Variants in B3GALT1 observed in about 807,000 individuals in gnomAD.
B3GALT1 encodes UDP-Gal:betaGlcNAc beta 1,3-galactosyltransferase, polypeptide 1.
A neutral mutation model predicts 23.2 loss-of-function variants in B3GALT1; 10 were observed. The ratio of observed to expected loss-of-function variants is 0.43; its 90% CI spans 0.27 to 0.73. The LOEUF (loss-of-function observed/expected upper bound fraction) is 0.73. Ranked by LOEUF, B3GALT1 falls within the 30% of genes least tolerant of loss-of-function variation. B3GALT1 has a pLI of 0.21. For synonymous variants in B3GALT1, 156 were observed against 141.5 expected, an observed-to-expected ratio of 1.10 and a Z score of -0.73; for missense variants, 299 against 405.4, an observed-to-expected ratio of 0.74 and a Z score of 2.25.
At chr2:167,422,227 G>A (rs1330590722) in intron 1 of B3GALT1, among the ~76,000 whole-genome samples, 5 of 126,276 alleles carry the variant, frequency 4.0e-5, no homozygotes, top group Non-Finnish European at 6.6e-5. Flanking sequence ...TCCCCCGCCC[G>A]CCCTTCCCGT....
intron 1 of B3GALT1, among the ~76,000 whole-genome samples, chr2:167,452,247 G>C (rs1354194824): frequency 6.6e-6 from 1 of 151,996 alleles, no homozygotes; most frequent in Non-Finnish European, 1.5e-5. Flanking sequence ...TTGTTACAAA[G>C]TTCAGCTGGA....
At chr2:167,439,390 T>G (rs1338109151) in intron 1 of B3GALT1, among the ~76,000 whole-genome samples, 1 of 152,202 alleles carries the variant, frequency 6.6e-6, no homozygotes, top group Non-Finnish European at 1.5e-5. Context: ...TAATATGTCA[T>G]TTTGTATTTA....
At chr2:167,324,552 A>G (rs1160922953) in intron 1 of B3GALT1, among the ~76,000 whole-genome samples, 3 of 152,010 alleles carry the variant, frequency 2.0e-5, no homozygotes, top group Admixed American at 2.0e-4. Flanking sequence ...GTAGGTTTTA[A>G]TTTACTCATA....
At chr2:167,571,813 G>T (rs559549615) in intron 2 of B3GALT1, among the ~76,000 whole-genome samples, 2 of 151,848 alleles carry the variant, frequency 1.3e-5, no homozygotes, top group Non-Finnish European at 2.9e-5. Flanking sequence ...TGCAACTCCA[G>T]AGAGCTGAAC....
intron 2 of B3GALT1, among the ~76,000 whole-genome samples, chr2:167,545,855 T>C (rs1380058535): frequency 6.6e-6 from 1 of 152,220 alleles, no homozygotes; most frequent in African/African-American, 2.4e-5. Context: ...GTGTTTTGAA[T>C]TTCTGAAATT....
chr2:167,464,420 A>T (rs1699313992), intron 1 of B3GALT1, among the ~76,000 whole-genome samples: 1 of 152,192 alleles, frequency 6.6e-6, no homozygotes, highest in Non-Finnish European at 1.5e-5. Context: ...GCTACAGAAG[A>T]TTTTATTTGA....
intron 2 of B3GALT1, among the ~76,000 whole-genome samples, chr2:167,646,637 T>C (rs1685752437): frequency 6.6e-6 from 1 of 152,142 alleles, no homozygotes; most frequent in Non-Finnish European, 1.5e-5. Context: ...CAAAGCTGAA[T>C]TGGCACAGTT....
chr2:167,446,168 C>T (rs1189325800), intron 1 of B3GALT1, among the ~76,000 whole-genome samples: 2 of 152,166 alleles, frequency 1.3e-5, no homozygotes, highest in Admixed American at 6.6e-5. Context: ...AAATTCTTTT[C>T]TTTAAGAATG....
At chr2:167,816,361 AG>A (rs1688991516) in intron 3 of B3GALT1, among the ~76,000 whole-genome samples, 1 of 152,200 alleles carries the variant, frequency 6.6e-6, no homozygotes, top group Admixed American at 6.5e-5. Flanking sequence ...TCAAGATAAA[AG>A]TTACATCTAA....
intron 1 of B3GALT1, among the ~76,000 whole-genome samples, chr2:167,433,351 T>C (rs1698732566): frequency 6.6e-6 from 1 of 152,208 alleles, no homozygotes; most frequent in Non-Finnish European, 1.5e-5. Context: ...GAAGAACATC[T>C]TAGTTGCTTC....
At chr2:167,503,475 T>A (rs1440770342) in intron 2 of B3GALT1, among the ~76,000 whole-genome samples, 1 of 152,228 alleles carries the variant, frequency 6.6e-6, no homozygotes, top group African/African-American at 2.4e-5. Context: ...TGATGTATTT[T>A]ATGAAATAAT....
chr2:167,795,046 A>G (rs1218165015), intron 3 of B3GALT1, among the ~76,000 whole-genome samples: 1 of 152,184 alleles, frequency 6.6e-6, no homozygotes, highest in Non-Finnish European at 1.5e-5. Context: ...AACATGGATG[A>G]GTAGAAGGAG....
At chr2:167,627,104 T>C (rs1685360666) in intron 2 of B3GALT1, among the ~76,000 whole-genome samples, 1 of 151,658 alleles carries the variant, frequency 6.6e-6, no homozygotes, top group Non-Finnish European at 1.5e-5. Flanking sequence ...AATTGCAATT[T>C]GGGGTCACCA....
chr2:167,857,268 A>G lies in B3GALT1; in HGVS notation c.-229-11543A>G, dbSNP rs1055673728. On this transcript the variant is annotated intron_variant, in intron 4 of 4. Transcript: ENST00000392690. ...GAGAGCATAGAGAAGTGATAAAGGA[A>G]CAGGAGTTCCTTTGCTTTGAAAAGC... Among the ~76,000 whole-genome samples the G allele has an allele frequency of 8.6e-5, 13 of 151,976 alleles. No individual in the cohort carries two copies. The East Asian group carries it at 2.5e-3, about 30-fold the overall frequency.
intron 2 of B3GALT1, among the ~76,000 whole-genome samples, chr2:167,594,317 A>G (rs1360096335): frequency 6.6e-6 from 1 of 152,190 alleles, no homozygotes; most frequent in Non-Finnish European, 1.5e-5. Context: ...TTCACTGAAT[A>G]TATTGTATAC....
chr2:167,624,452 T>C (rs550148669), intron 2 of B3GALT1, among the ~76,000 whole-genome samples: 2 of 152,192 alleles, frequency 1.3e-5, no homozygotes, highest in South Asian at 4.1e-4. Flanking sequence ...AAACAGTTCA[T>C]CTATGTTACA....
At chr2:167,472,471 G>A (rs1174963191) in intron 1 of B3GALT1, among the ~76,000 whole-genome samples, 2 of 152,084 alleles carry the variant, frequency 1.3e-5, no homozygotes, top group Admixed American at 6.6e-5. Flanking sequence ...TAATCTCACT[G>A]TGGGCACTAC....
chr2:167,704,012 T>A (rs1042520729), intron 3 of B3GALT1, among the ~76,000 whole-genome samples: 9 of 151,868 alleles, frequency 5.9e-5, no homozygotes, highest in Non-Finnish European at 1.3e-4. Context: ...AAACCCCGTC[T>A]CTACTAAAAA....
intron 1 of B3GALT1, among the ~76,000 whole-genome samples, chr2:167,444,404 C>CAT (rs1483367786): frequency 3.3e-5 from 5 of 152,158 alleles, no homozygotes; most frequent in Non-Finnish European, 7.4e-5. Context: ...GGCAGATTCC[C>CAT]TTTTTTTCTA....
Sources: gnomAD v4.1 joint callset for allele counts (sites outside exome capture counted in the v4.1 genomes callset) on GRCh38, gnomAD v4.1.1 for gene constraint, MANE v1.5 for transcripts, NCBI Gene and HGNC (gene_info 2026-07-23, HGNC 2026-07-21) for gene names.